The following CACNA1E variants were observed in gnomAD, a reference collection of about 807,000 sequenced individuals.
CACNA1E encodes the protein calcium voltage-gated channel subunit alpha1 E, also known as voltage-dependent R-type calcium channel subunit alpha-1E.
In CACNA1E, 40 loss-of-function variants were observed where a neutral mutation model predicts 259.2. The observed-to-expected ratio is 0.15, with a 90% CI of 0.12 to 0.20. The LOEUF is 0.20. Among genes scored for constraint, CACNA1E ranks in the 10% least tolerant of loss-of-function variants. CACNA1E has a pLI of 1.00. For missense variants in CACNA1E, 1,874 were observed against 3,040.1 expected (o/e 0.62, Z 9.02); for synonymous variants, 1,104 against 1,138.5 (o/e 0.97, Z 0.61).
intron 25 of CACNA1E, among the ~76,000 whole-genome samples, chr1:181,748,575 C>A (rs537457947): frequency 2.8e-4 from 43 of 152,184 alleles, no homozygotes; most frequent in South Asian, 8.3e-4. Flanking sequence ...GGTGTGTGAT[C>A]CTAGATCACC....
intron 1 of CACNA1E, among the ~76,000 whole-genome samples, chr1:181,344,053 C>T (rs1652398515): frequency 6.6e-6 from 1 of 152,206 alleles, no homozygotes; most frequent in Non-Finnish European, 1.5e-5. Context: ...TTCTCAGCCC[C>T]ACAAACAGAG....
intron 26 of CACNA1E, 141 bp downstream of exon 26, chr1:181,750,628 G>C: frequency 1.3e-6 from 1 of 757,416 alleles, no homozygotes; most frequent in South Asian, 1.7e-5. Flanking sequence ...ATCAAAATTA[G>C]GAGTCACCAA....
intron 2 of CACNA1E, among the ~76,000 whole-genome samples, chr1:181,459,669 CT>C (rs1353043727): frequency 6.6e-6 from 1 of 152,214 alleles, no homozygotes; most frequent in African/African-American, 2.4e-5. Flanking sequence ...CTTTTGGCTG[CT>C]TGTTCAGGTT....
intron 3 of CACNA1E, among the ~76,000 whole-genome samples, chr1:181,551,838 C>T (rs924536126): frequency 3.3e-5 from 5 of 152,054 alleles, no homozygotes; most frequent in Non-Finnish European, 5.9e-5. Flanking sequence ...ACATTTTCTC[C>T]TCTCTCCCTC....
At chr1:181,537,930 G>A (rs146865526) in intron 3 of CACNA1E, among the ~76,000 whole-genome samples, 135 of 152,290 alleles carry the variant, frequency 8.9e-4, no homozygotes, top group African/African-American at 2.6e-3. Context: ...AAAGCACTTA[G>A]CATAGTACCT....
At chr1:181,591,868 G>A (rs940137262) in intron 6 of CACNA1E, among the ~76,000 whole-genome samples, 28 of 152,240 alleles carry the variant, frequency 1.8e-4, no homozygotes, top group Non-Finnish European at 5.9e-5. Flanking sequence ...CTGGCACATA[G>A]CACTCATGTG....
intron 25 of CACNA1E, among the ~76,000 whole-genome samples, chr1:181,740,802 A>G (rs1332993457): frequency 6.6e-6 from 1 of 152,188 alleles, no homozygotes; most frequent in Non-Finnish European, 1.5e-5. Flanking sequence ...TTTCTGTCAC[A>G]TGTGGCTGGA....
chr1:181,654,628 A>C (rs1307997974), intron 7 of CACNA1E, among the ~76,000 whole-genome samples: 5 of 152,232 alleles, frequency 3.3e-5, no homozygotes, highest in African/African-American at 1.2e-4. Context: ...CACAGTATGT[A>C]GCAGTATGTA....
intron 1 of CACNA1E, among the ~76,000 whole-genome samples, chr1:181,407,372 T>G (rs1018686287): frequency 2.0e-5 from 3 of 152,212 alleles, no homozygotes; most frequent in Non-Finnish European, 4.4e-5. Context: ...TTTAGCAACC[T>G]GACTCATCCA....
At chr1:181,493,857 G>GTA (rs1664516331) in intron 1 of CACNA1E, among the ~76,000 whole-genome samples, 1 of 152,214 alleles carries the variant, frequency 6.6e-6, no homozygotes, top group Non-Finnish European at 1.5e-5. Flanking sequence ...TGTTAGCCTT[G>GTA]TAACTGGGCA....
intron 6 of CACNA1E, 98 bp from the exon 7 acceptor site, chr1:181,651,240 T>C (rs1658732546): frequency 2.6e-6 from 2 of 771,528 alleles, no homozygotes; most frequent in Non-Finnish European, 4.4e-6. Context: ...TGTATTGCAT[T>C]GTGGTTTTTA....
chr1:181,557,854 C>T (rs1344417464), intron 3 of CACNA1E, among the ~76,000 whole-genome samples: 2 of 152,168 alleles, frequency 1.3e-5, no homozygotes, highest in Non-Finnish European at 2.9e-5. Context: ...AAAGGGATCC[C>T]ACCCTCTGGA....
At chr1:181,795,541 C>T (rs1661716489) in intron 46 of CACNA1E, among the ~76,000 whole-genome samples, 2 of 151,578 alleles carry the variant, frequency 1.3e-5, no homozygotes, top group South Asian at 4.2e-4. Context: ...CCCGGGTTCA[C>T]ACCATTCTCC....
intron 16 of CACNA1E, 62 bp from the exon 17 acceptor site, chr1:181,724,408 C>G (rs1411006978): frequency 1.5e-6 from 2 of 1,350,448 alleles, no homozygotes; most frequent in East Asian, 2.3e-5. Context: ...ATCAGGTGGC[C>G]TCTCAGCCTT....
At chr1:181,338,646 G>A (rs1187492455) in intron 1 of CACNA1E, among the ~76,000 whole-genome samples, 1 of 151,966 alleles carries the variant, frequency 6.6e-6, no homozygotes, top group Admixed American at 6.6e-5. Flanking sequence ...TTGCTGTTCA[G>A]AAGCTTTTTA....
intron 1 of CACNA1E, among the ~76,000 whole-genome samples, chr1:181,335,565 G>T (rs1367291477): frequency 6.6e-6 from 1 of 152,224 alleles, no homozygotes; most frequent in Non-Finnish European, 1.5e-5. Flanking sequence ...CAGGTTTTCA[G>T]CTGTGCATGC....
rs576427778 is a variant in CACNA1E, at chr1:181,801,038, G to A, written c.*2204G>A. On this transcript the variant is annotated 3_prime_UTR_variant, in exon 48 of 48. Coordinates refer to ENST00000367573, the MANE Select transcript of CACNA1E (RefSeq NM_001205293.3). ...AACAGGTGTGATTGTTACGTAAGAC[G>A]CTGATACTGGGCCTTGTATTGCTTT... The A allele has an allele frequency of 2.0e-5, 3 of 152,786 alleles. No homozygotes were observed. Among genetic ancestry groups the A allele is most frequent in the African/African-American group, 7.2e-5 (3 of 41,582 alleles). The allele number at this position is 152,786 out of a possible 1,614,324, so 9.5% of individuals were successfully genotyped here. A position where few individuals can be genotyped will look rare whatever the true frequency, so the allele number is the denominator to read the frequency against.
At chr1:181,723,123 G>T (rs1256343213) in intron 16 of CACNA1E, among the ~76,000 whole-genome samples, 1 of 152,182 alleles carries the variant, frequency 6.6e-6, no homozygotes, top group African/African-American at 2.4e-5. Context: ...TAAATGAAAT[G>T]TGGAACCCTT....
intron 6 of CACNA1E, among the ~76,000 whole-genome samples, chr1:181,599,691 G>C (rs534159341): frequency 6.6e-6 from 1 of 152,288 alleles, no homozygotes; most frequent in South Asian, 2.1e-4. Flanking sequence ...TAGGTGCTTA[G>C]TAAAAAATCT....
Sources: allele counts gnomAD v4.1 joint callset (sites outside exome capture counted in the v4.1 genomes callset), GRCh38; gene constraint gnomAD v4.1.1; transcripts MANE v1.5; gene names NCBI Gene and HGNC (gene_info 2026-07-23, HGNC 2026-07-21).